Variants in KIF13A observed in about 807,000 individuals in gnomAD.
KIF13A encodes kinesin-like protein KIF13A.
Under a neutral mutation model 212.2 loss-of-function variants are expected in KIF13A, and 79 were observed. The observed-to-expected ratio is 0.37, with a 90% CI of 0.31 to 0.45. The LOEUF is 0.45. Among genes scored for constraint, KIF13A ranks in the 20% least tolerant of loss-of-function variants. KIF13A has a pLI of 1.00. For synonymous variants in KIF13A, 789 were observed against 808.6 expected, an observed-to-expected ratio of 0.98 and a Z score of 0.41; for missense variants, 1,901 against 2,209.0, an observed-to-expected ratio of 0.86 and a Z score of 2.79.
At position 17,849,596 on chromosome 6, in the gene KIF13A, T is replaced by C. The variant is rs1484339943; in HGVS notation, c.718-107A>G. On this transcript the variant is annotated intron_variant, in intron 8 of 38. Coordinates refer to ENST00000259711, the MANE Select transcript of KIF13A (RefSeq NM_022113.6). This position sits in a 1 kb window ranked among gnomAD's most constrained non-coding sequence, Gnocchi z 5.7. ...TTGAGCAATCCATCCCACTCTCATA[T>C]GGCAAATTTCTTAAGTTTTTAAACG... is the stretch of plus-strand genomic sequence containing the variant. 2 of 669,638 alleles carry C rather than the reference T, an allele frequency of 3.0e-6. No homozygotes were observed. Among genetic ancestry groups the C allele is most frequent in the East Asian group, 3.0e-5 (1 of 33,090 alleles). 41.5% of individuals were successfully genotyped at this position (669,638 alleles called of 1,614,324 possible).
At chr6:17,810,687 G>C (rs1165980962) in intron 17 of KIF13A, among the ~76,000 whole-genome samples, 1 of 152,172 alleles carries the variant, frequency 6.6e-6, no homozygotes, top group African/African-American at 2.4e-5. Context: ...CCTACAATTA[G>C]ACAGTTCCAT....
At chr6:17,791,594 C>G (rs1761558850) in intron 25 of KIF13A, among the ~76,000 whole-genome samples, 1 of 152,052 alleles carries the variant, frequency 6.6e-6, no homozygotes. Context: ...AGAGGTAGAG[C>G]TGTTTTTTAA....
At chr6:17,774,936 G>T in intron 35 of KIF13A, 79 bp downstream of exon 35, 1 of 1,122,548 alleles carries the variant, frequency 8.9e-7, no homozygotes, top group South Asian at 1.4e-5. Context: ...GAGGCCCAGA[G>T]ATTTTAAAAA....
chr6:17,877,144 C>CAAAAA (rs35738402), intron 3 of KIF13A, among the ~76,000 whole-genome samples: 2 of 97,948 alleles, frequency 2.0e-5, no homozygotes, highest in Non-Finnish European at 3.9e-5. Flanking sequence ...TCTCTCTTGC[C>CAAAAA]AAAAAAAAAA....
At position 17,776,513 on chromosome 6, in the gene KIF13A, T is replaced by C. The variant is rs1032481800; in HGVS notation, c.4170+764A>G. 6.6e-6 allele frequency among the ~76,000 whole-genome samples: 1 copy of C among 152,232 alleles called. No homozygotes were observed. Among genetic ancestry groups the C allele is most frequent in the Non-Finnish European group, 1.5e-5 (1 of 68,038 alleles). On this transcript the variant is annotated intron_variant, in intron 34 of 38. Transcript: ENST00000259711. This position sits in a 1 kb window ranked among gnomAD's most constrained non-coding sequence, Gnocchi z 4.6. ...GTCTCTCTTATCTATTTCTAATAAA[T>C]GCATTGTGGTCAGAAGAAGTAATCT...
At chr6:17,778,675 C>T (rs1243470333) in intron 33 of KIF13A, among the ~76,000 whole-genome samples, 2 of 152,148 alleles carry the variant, frequency 1.3e-5, no homozygotes, top group African/African-American at 4.8e-5. Flanking sequence ...GGGATTTCAA[C>T]AGTACTTACC....
In KIF13A at chr6:17,967,147, G is replaced by C. The variant is rs1404039919; in HGVS notation, c.146+19907C>G. Among the ~76,000 whole-genome samples the C allele has an allele frequency of 6.6e-6, 1 of 152,174 alleles. No homozygotes were observed. The highest frequency in any genetic ancestry group is 1.5e-5 in the Non-Finnish European group (1 of 68,026). On this transcript the variant is annotated intron_variant, in intron 2 of 38. Coordinates refer to ENST00000259711, the MANE Select transcript of KIF13A (RefSeq NM_022113.6). This position sits in a 1 kb window ranked among gnomAD's most constrained non-coding sequence, Gnocchi z 4.1. ...AAAATGTTAAAGATAAAGCAAAACA[G>C]AAAATTTCAACAAGGCAGAACTTTG...
intron 6 of KIF13A, among the ~76,000 whole-genome samples, chr6:17,854,861 T>C (rs1273448658): frequency 1.3e-5 from 2 of 152,088 alleles, no homozygotes; most frequent in African/African-American, 4.8e-5. Flanking sequence ...CCCCAAATTT[T>C]TTAATTGAGA....
chr6:17,771,635 C>T lies in KIF13A; in HGVS notation c.4476+273G>A, dbSNP rs1759504215. 2.7e-6 allele frequency: 1 copy of T among 372,680 alleles called. No homozygotes were observed. The highest frequency in any genetic ancestry group is 2.1e-5 in the African/African-American group (1 of 48,222). The allele number at this position is 372,680 out of a possible 1,614,324, so 23.1% of individuals were successfully genotyped here. A position where few individuals can be genotyped will look rare whatever the true frequency, so the allele number is the denominator to read the frequency against. On this transcript the variant is annotated intron_variant, in intron 37 of 38. Coordinates refer to ENST00000259711, the MANE Select transcript of KIF13A (RefSeq NM_022113.6). This position sits in a 1 kb window ranked among gnomAD's most constrained non-coding sequence, Gnocchi z 5.4. ...TTTTAAAAAAGGCCTTTAATCTTTT[C>T]AAAACACCTAGAAAACATCTTTCTC... is the stretch of plus-strand genomic sequence containing the variant.
Position 17,771,400 on chromosome 6 carries a change from C to T in KIF13A, c.4477-182G>A. 1.8e-6 allele frequency: 1 copy of T among 554,040 alleles called. No homozygotes were observed. 34.3% of individuals were successfully genotyped at this position (554,040 alleles called of 1,614,324 possible). ...GAGATATGACAGGAATAAACAGATT[C>T]TGTGGCAAAAAGCATAATTAGTCTT... On this transcript the variant is annotated intron_variant, in intron 37 of 38. Coordinates refer to ENST00000259711, the MANE Select transcript of KIF13A (RefSeq NM_022113.6). This position sits in a 1 kb window ranked among gnomAD's most constrained non-coding sequence, Gnocchi z 5.4.
intron 3 of KIF13A, among the ~76,000 whole-genome samples, chr6:17,877,434 G>A (rs763669139): frequency 1.3e-5 from 2 of 152,134 alleles, no homozygotes; most frequent in Non-Finnish European, 2.9e-5. Context: ...CCACACAGGC[G>A]TAATCCAGTT....
In KIF13A at chr6:17,783,628, C is replaced by G. The variant is rs1465581119; in HGVS notation, c.3544+18G>C. 6.6e-7 allele frequency: 1 copy of G among 1,508,492 alleles called. No individual in the cohort carries two copies. Among genetic ancestry groups the G allele is most frequent in the Admixed American group, 1.9e-5 (1 of 53,656 alleles). 93.4% of individuals were successfully genotyped at this position (1,508,492 alleles called of 1,614,324 possible). A position where few individuals can be genotyped will look rare whatever the true frequency, so the allele number is the denominator to read the frequency against. On this transcript the variant is annotated intron_variant, in intron 29 of 38. Transcript: ENST00000259711. The surrounding 1 kb of genome is among the most constrained non-coding windows in gnomAD (Gnocchi z 4.3). The stretch of plus-strand genomic sequence containing the variant: ...TAGTTAAATACAATAATCCCTGTGA[C>G]TTTAAGTGTCTACTTACCATTCAAA...
chr6:17,906,556 C>T (rs956890493), intron 2 of KIF13A, among the ~76,000 whole-genome samples: 4 of 151,470 alleles, frequency 2.6e-5, no homozygotes, highest in African/African-American at 9.7e-5. Flanking sequence ...TCAAGAGATC[C>T]TCCCATCTCA....
chr6:17,793,755 A>C (rs577624703), intron 25 of KIF13A, among the ~76,000 whole-genome samples: 1 of 152,114 alleles, frequency 6.6e-6, no homozygotes, highest in East Asian at 2.0e-4. Flanking sequence ...CTCTACAAAA[A>C]ATAAAAGAAT....
At chr6:17,942,356 A>ATATATT (rs1777028284) in intron 2 of KIF13A, among the ~76,000 whole-genome samples, 1 of 136,088 alleles carries the variant, frequency 7.3e-6, no homozygotes, top group Non-Finnish European at 1.6e-5. Flanking sequence ...ATATATATAT[A>ATATATT]TATTTCTGTT....
intron 2 of KIF13A, among the ~76,000 whole-genome samples, chr6:17,975,395 G>A (rs958381699): frequency 5.3e-5 from 8 of 152,074 alleles, no homozygotes; most frequent in Non-Finnish European, 1.0e-4. Flanking sequence ...TCTTAAGTTG[G>A]CGCGTCTGGA....
intron 3 of KIF13A, among the ~76,000 whole-genome samples, chr6:17,894,454 T>TA (rs1772376230): frequency 6.6e-6 from 1 of 152,178 alleles, no homozygotes; most frequent in African/African-American, 2.4e-5. Flanking sequence ...ACATAGTTTT[T>TA]CTTTTTCATT....
intron 20 of KIF13A, among the ~76,000 whole-genome samples, chr6:17,802,449 G>A (rs1180428667): frequency 4.0e-5 from 6 of 151,596 alleles, no homozygotes; most frequent in Admixed American, 6.6e-5. Context: ...GCGCCACCAC[G>A]CCGGCTAATT....
intron 3 of KIF13A, among the ~76,000 whole-genome samples, chr6:17,878,108 G>C (rs952479240): frequency 6.6e-6 from 1 of 152,182 alleles, no homozygotes; most frequent in Non-Finnish European, 1.5e-5. Context: ...GTGAGGTGAA[G>C]GGAGAGAAGC....
Sources: gnomAD v4.1 joint callset for allele counts (sites outside exome capture counted in the v4.1 genomes callset) on GRCh38, gnomAD v4.1.1 for gene constraint, Gnocchi (gnomAD v3.1) non-coding constraint, MANE v1.5 for transcripts, NCBI Gene and HGNC (gene_info 2026-07-23, HGNC 2026-07-21) for gene names.